NCAM2: variants seen among roughly 807,000 people sequenced by gnomAD.
NCAM2 encodes the protein neural cell adhesion molecule 2.
Under a neutral mutation model 98.1 loss-of-function variants are expected in NCAM2, and 30 were observed. That is an observed-to-expected ratio of 0.31 (90% CI 0.23 to 0.41). NCAM2 has a LOEUF of 0.41. NCAM2 is among the 10% of genes least tolerant of loss of function. The pLI, the probability that NCAM2 is intolerant of heterozygous loss-of-function variation, is 1.00. For synonymous variants in NCAM2, 368 were observed against 342.4 expected, an observed-to-expected ratio of 1.07 and a Z score of -0.83; for missense variants, 867 against 1,005.8, an observed-to-expected ratio of 0.86 and a Z score of 1.87.
intron 1 of NCAM2, among the ~76,000 whole-genome samples, chr21:21,129,827 A>G (rs1454531512): frequency 6.6e-6 from 1 of 152,198 alleles, no homozygotes; most frequent in Admixed American, 6.6e-5. Flanking sequence ...TTGTATGATG[A>G]ATCTGTATAT....
intron 1 of NCAM2, among the ~76,000 whole-genome samples, chr21:21,274,859 G>A (rs2072664376): frequency 1.3e-5 from 2 of 152,114 alleles, no homozygotes; most frequent in African/African-American, 4.8e-5. Context: ...ACAGTTAGAA[G>A]GCTGGTTCAG....
chr21:21,063,016 G>T (rs2065353526), intron 1 of NCAM2, among the ~76,000 whole-genome samples: 1 of 151,986 alleles, frequency 6.6e-6, no homozygotes, highest in Non-Finnish European at 1.5e-5. Flanking sequence ...AAGAGAAAAT[G>T]AACATTAACA....
At chr21:21,084,395 A>G (rs192466009) in intron 1 of NCAM2, among the ~76,000 whole-genome samples, 3 of 152,290 alleles carry the variant, frequency 2.0e-5, no homozygotes, top group Admixed American at 2.0e-4. Context: ...AATAGTTACA[A>G]TGTCACAAGT....
At chr21:21,035,025 A>C (rs2146238479) in intron 1 of NCAM2, among the ~76,000 whole-genome samples, 1 of 152,258 alleles carries the variant, frequency 6.6e-6, no homozygotes, top group Admixed American at 6.5e-5. Context: ...GAATTGGGTA[A>C]ATTCCTCTCT....
rs371723526 is a variant in NCAM2 at position 21,381,321 on chromosome 21, G to A, written c.1195+7308G>A. Reference sequence around the variant, plus strand: ...TATAATTTGCCATCCACTGGTTTAGGCTATTAAGTTTAATGCCATTGTTGT... The same window carrying A: ...TATAATTTGCCATCCACTGGTTTAGACTATTAAGTTTAATGCCATTGTTGT... On this transcript the variant is annotated intron_variant, in intron 9 of 17. Coordinates refer to ENST00000400546, the MANE Select transcript of NCAM2 (RefSeq NM_004540.5). Among the ~76,000 whole-genome samples the A allele has an allele frequency of 5.3e-5, 8 of 152,092 alleles. No individual in the cohort carries two copies. The East Asian group carries it at 9.7e-4, about 18-fold the overall frequency.
intron 1 of NCAM2, among the ~76,000 whole-genome samples, chr21:21,097,558 A>T (rs1601358490): frequency 1.3e-5 from 2 of 151,592 alleles, no homozygotes. Context: ...ATATTTTATA[A>T]CTGCATAAAA....
chr21:21,031,657 G>A (rs1601148324), intron 1 of NCAM2, among the ~76,000 whole-genome samples: 1 of 152,164 alleles, frequency 6.6e-6, no homozygotes, highest in African/African-American at 2.4e-5. Flanking sequence ...AGGCAGTGAT[G>A]GACGTTGATT....
intron 1 of NCAM2, among the ~76,000 whole-genome samples, chr21:21,143,316 A>T (rs1321239269): frequency 6.6e-6 from 1 of 152,112 alleles, no homozygotes; most frequent in Admixed American, 6.5e-5. Context: ...TTATAGGGTT[A>T]TTGAAAATTT....
intron 11 of NCAM2, among the ~76,000 whole-genome samples, chr21:21,428,891 A>G (rs547105669): frequency 1.5e-3 from 231 of 152,322 alleles, no homozygotes; most frequent in African/African-American, 5.4e-3. Context: ...CTGAGAACTT[A>G]CTATATTCCA....
chr21:21,419,953 T>A (rs1445099483), intron 11 of NCAM2, among the ~76,000 whole-genome samples: 1 of 152,078 alleles, frequency 6.6e-6, no homozygotes, highest in Non-Finnish European at 1.5e-5. Context: ...TCCACAATGG[T>A]TGAACTAGTT....
At chr21:21,449,034 C>T (rs1341409272) in intron 12 of NCAM2, among the ~76,000 whole-genome samples, 2 of 151,944 alleles carry the variant, frequency 1.3e-5, no homozygotes, top group East Asian at 3.9e-4. Context: ...AGCAAAATAA[C>T]AATTTTAGGT....
intron 1 of NCAM2, among the ~76,000 whole-genome samples, chr21:21,013,660 A>G (rs1420333021): frequency 1.3e-5 from 2 of 152,128 alleles, no homozygotes; most frequent in African/African-American, 2.4e-5. Context: ...GCATGCCTGT[A>G]ATCCCAGCTA....
intron 1 of NCAM2, among the ~76,000 whole-genome samples, chr21:21,010,807 T>C (rs1227320062): frequency 3.3e-5 from 5 of 152,076 alleles, no homozygotes; most frequent in Non-Finnish European, 5.9e-5. Flanking sequence ...TAAAGTGTCA[T>C]TACTAATTAG....
intron 1 of NCAM2, among the ~76,000 whole-genome samples, chr21:21,209,480 G>A (rs529648414): frequency 4.6e-5 from 7 of 152,246 alleles, no homozygotes; most frequent in Non-Finnish European, 8.8e-5. Flanking sequence ...ACAGGTGTGA[G>A]CCACCATGCC....
At chr21:21,247,090 C>T (rs191984422) in intron 1 of NCAM2, among the ~76,000 whole-genome samples, 3 of 151,994 alleles carry the variant, frequency 2.0e-5, no homozygotes, top group Non-Finnish European at 2.9e-5. Context: ...GAGGCTGAGG[C>T]GGGCGGATCA....
At chr21:21,403,746 G>C (rs987928542) in intron 9 of NCAM2, among the ~76,000 whole-genome samples, 1 of 151,922 alleles carries the variant, frequency 6.6e-6, no homozygotes. Context: ...AGTGAAGGTA[G>C]AATAAATGTA....
intron 10 of NCAM2, among the ~76,000 whole-genome samples, chr21:21,414,334 C>T (rs2588651): frequency 0.62 from 94,171 of 152,032 alleles, 29,268 homozygotes; most frequent in African/African-American, 0.64. Context: ...CTCCCATGAG[C>T]CACAAATATT....
chr21:21,478,106 A>G (rs572436178), intron 15 of NCAM2, among the ~76,000 whole-genome samples: 1 of 152,310 alleles, frequency 6.6e-6, no homozygotes, highest in South Asian at 2.1e-4. Context: ...GAAAGTTCAC[A>G]ACAGGGATGT....
intron 1 of NCAM2, among the ~76,000 whole-genome samples, chr21:20,998,824 A>G (rs2063967435): frequency 6.6e-6 from 1 of 152,170 alleles, no homozygotes; most frequent in African/African-American, 2.4e-5. Context: ...GAGAAGGGAA[A>G]ATACAGAATT....
Sources: allele counts gnomAD v4.1 joint callset (sites outside exome capture counted in the v4.1 genomes callset), GRCh38; gene constraint gnomAD v4.1.1; transcripts MANE v1.5; gene names NCBI Gene and HGNC (gene_info 2026-07-23, HGNC 2026-07-21).